RET: variants seen among roughly 807,000 people sequenced by gnomAD.
RET encodes proto-oncogene tyrosine-protein kinase receptor Ret.
A neutral mutation model predicts 118.3 loss-of-function variants in RET; 19 were observed. That is an observed-to-expected ratio of 0.16 (90% confidence interval 0.11 to 0.24). The LOEUF (loss-of-function observed/expected upper bound fraction) is 0.24, where lower values mean the gene tolerates loss of function less well. Among genes scored for constraint, RET ranks in the 10% least tolerant of loss-of-function variants. The pLI is 1.00. For synonymous variants in RET, 597 were observed against 644.1 expected, an observed-to-expected ratio of 0.93 and a Z score of 1.11; for missense variants, 1,219 against 1,502.1, an observed-to-expected ratio of 0.81 and a Z score of 3.12.
Position 43,113,578 on chromosome 10 carries a change from C to T in RET, c.1782C>T (p.His594=), listed in dbSNP as rs863224426. Residue 594 remains histidine (H), a synonymous_variant, in exon 10 of 20, where the codon CAC becomes CAT. Coordinates refer to ENST00000355710, the MANE Select transcript of RET (RefSeq NM_020975.6). The part of the protein sequence containing the change: ...DCLRGSIVGG[H]EPGEPRGIKA... ...CAGGGGGCAGCATTGTTGGGGGACACGAGCCTGGGGAGCCCCGGGGGATTA... is the reference window on the plus strand; with the variant it reads ...CAGGGGGCAGCATTGTTGGGGGACATGAGCCTGGGGAGCCCCGGGGGATTA... The T allele has an allele frequency of 3.1e-6, 5 of 1,609,774 alleles. No homozygotes were observed. Among genetic ancestry groups the T allele is most frequent in the African/African-American group, 1.3e-5 (1 of 74,974 alleles).
At chr10:43,080,377 T>C (rs2132520387) in intron 1 of RET, among the ~76,000 whole-genome samples, 1 of 152,338 alleles carries the variant, frequency 6.6e-6, no homozygotes, top group African/African-American at 2.4e-5. Flanking sequence ...CACAGTGCAC[T>C]GCCCCTGTGC....
At chr10:43,122,259 G>A (rs3026774) in intron 16 of RET, among the ~76,000 whole-genome samples, 3 of 152,258 alleles carry the variant, frequency 2.0e-5, no homozygotes, top group South Asian at 2.1e-4. Flanking sequence ...CATGAGAGCC[G>A]AGCAGGTGGC....
Position 43,100,475 on chromosome 10 carries a change from C to T in RET, c.90C>T (p.Tyr30=), listed in dbSNP as rs1588862357. 1.2e-6 allele frequency: 2 copies of T among 1,613,604 alleles called. No individual in the cohort carries two copies. Among genetic ancestry groups the T allele is most frequent in the Non-Finnish European group, 1.7e-6 (2 of 1,180,020 alleles). ...TTCCCACAGTGGCATTGGGCCTCTA[C>T]TTCTCGAGGGATGCTTACTGGGAGA... ...PLLGKVALGL[Y]FSRDAYWEKL... Residue 30 remains tyrosine, a synonymous_variant, in exon 2 of 20, where the codon TAC becomes TAT. Coordinates refer to ENST00000355710, the MANE Select transcript of RET (RefSeq NM_020975.6).
At position 43,121,932 on chromosome 10, in the gene RET, C is replaced by T. The variant is rs1305296450; in HGVS notation, c.2731-14C>T. The T allele has an allele frequency of 3.1e-6, 5 of 1,602,926 alleles. No individual in the cohort carries two copies. The highest frequency in any genetic ancestry group is 4.5e-5 in the East Asian group (2 of 44,852). On this transcript the variant is annotated splice_polypyrimidine_tract_variant and intron_variant, in intron 15 of 19. Coordinates refer to ENST00000355710, the MANE Select transcript of RET (RefSeq NM_020975.6). ...TAGAGTAACTTCAATGTCTTTATTC[C>T]ATCTTCTCTTTAGGGTCGGATTCCA...
intron 1 of RET, among the ~76,000 whole-genome samples, chr10:43,086,373 G>A (rs1221105481): frequency 1.3e-5 from 2 of 152,262 alleles, no homozygotes; most frequent in East Asian, 3.8e-4. Context: ...AAATGGGCAA[G>A]ACCATCTCAG....
At chr10:43,079,231 A>G (rs1246862150) in intron 1 of RET, among the ~76,000 whole-genome samples, 1 of 151,752 alleles carries the variant, frequency 6.6e-6, no homozygotes, top group Non-Finnish European at 1.5e-5. Context: ...CCCTTCTCAC[A>G]GCACTTGCTG....
At chr10:43,128,021 A>G in intron 19 of RET, 91 bp from the exon 20 acceptor site, 2 of 1,365,734 alleles carry the variant, frequency 1.5e-6, no homozygotes, top group Non-Finnish European at 2.1e-6. Context: ...GTTTGGTTTG[A>G]ACATCAAAGG....
rs2132945990 is a variant in RET, at chr10:43,119,622, C to T, written c.2484C>T (p.Gly828=). 6.2e-7 allele frequency: 1 copy of T among 1,612,872 alleles called. No individual in the cohort carries two copies. Among genetic ancestry groups the T allele is most frequent in the East Asian group, 2.2e-5 (1 of 44,888 alleles). ...GCAAAGTGGGGCCTGGCTACCTGGG[C>T]AGTGGAGGCAGCCGCAACTCCAGCT... The part of the protein sequence containing the change: ...ESRKVGPGYL[G]SGGSRNSSSL... The change falls in exon 14 of 20, where the codon GGC becomes GGT. Residue 828 remains glycine (G), a synonymous_variant. Transcript: ENST00000355710.
chr10:43,080,766 G>T (rs1837161994), intron 1 of RET, among the ~76,000 whole-genome samples: 1 of 152,250 alleles, frequency 6.6e-6, no homozygotes, highest in African/African-American at 2.4e-5. Context: ...AGTCCTATGG[G>T]TCTGGGGAGG....
At chr10:43,080,398 C>A (rs1215010696) in intron 1 of RET, among the ~76,000 whole-genome samples, 2 of 152,240 alleles carry the variant, frequency 1.3e-5, no homozygotes, top group South Asian at 2.1e-4. Flanking sequence ...TGTGCCTACT[C>A]ACTTCATCTT....
intron 1 of RET, among the ~76,000 whole-genome samples, chr10:43,087,766 G>A (rs1837320969): frequency 6.6e-6 from 1 of 152,196 alleles, no homozygotes; most frequent in African/African-American, 2.4e-5. Context: ...GTGGCCCTGT[G>A]GGTCTTCACA....
chr10:43,127,760 A>G (rs115173989), intron 19 of RET, among the ~76,000 whole-genome samples: 2,003 of 152,270 alleles, frequency 0.013, 35 homozygotes, highest in African/African-American at 0.045. Context: ...AATGTTTTAT[A>G]GAACGTTTCC....
intron 11 of RET, among the ~76,000 whole-genome samples, chr10:43,115,161 TC>T (rs749320374): frequency 6.6e-5 from 10 of 152,180 alleles, no homozygotes; most frequent in Non-Finnish European, 1.3e-4. Flanking sequence ...CCTTCAGTGT[TC>T]CTACTAGCAC....
At chr10:43,111,624 G>T (rs1456106282) in intron 7 of RET, among the ~76,000 whole-genome samples, 159 bp downstream of exon 7, 1 of 152,242 alleles carries the variant, frequency 6.6e-6, no homozygotes, top group Non-Finnish European at 1.5e-5. Flanking sequence ...GTAAATGGTT[G>T]CTCCTTCCAG....
chr10:43,116,448 T>A, intron 11 of RET, 136 bp from the exon 12 acceptor site: 1 of 1,115,878 alleles, frequency 9.0e-7, no homozygotes, highest in Non-Finnish European at 1.4e-6. Context: ...GCGTTGCCGC[T>A]GGCTCAGATG....
chr10:43,094,732 A>G (rs1466510127), intron 1 of RET, among the ~76,000 whole-genome samples: 2 of 152,168 alleles, frequency 1.3e-5, no homozygotes, highest in African/African-American at 4.8e-5. Context: ...GGTGCAGGAA[A>G]ATGTGTGTGC....
In RET at chr10:43,113,707, C is replaced by T. The variant is rs754980331; in HGVS notation, c.1879+32C>T. 2.7e-5 allele frequency: 44 copies of T among 1,611,458 alleles called. No homozygotes were observed. The East Asian group carries it at 9.4e-4, about 34-fold the overall frequency. ...GGGTGGCGGCCGGGACCACCACCAC[C>T]TCCCAGCCCCACAGAGGTCTCAACA... On this transcript the variant is annotated intron_variant, in intron 10 of 19. Transcript: ENST00000355710.
Position 43,084,819 on chromosome 10 carries a change from G to T in RET, c.73+7488G>T, listed in dbSNP as rs530243948. Among the ~76,000 whole-genome samples, 7 of 152,146 alleles carry T rather than the reference G, an allele frequency of 4.6e-5. No individual in the cohort carries two copies. The South Asian group carries it at 1.2e-3, about 27-fold the overall frequency. On this transcript the variant is annotated intron_variant, in intron 1 of 19. Coordinates refer to ENST00000355710, the MANE Select transcript of RET (RefSeq NM_020975.6). ...GTGTCACTGCTTGTGCATAAGAAGGGGCCTCTCAGGAACCGCCCTGTGAAG... is the reference window on the plus strand; with the variant it reads ...GTGTCACTGCTTGTGCATAAGAAGGTGCCTCTCAGGAACCGCCCTGTGAAG...
At chr10:43,091,822 CAAAAAAAAAAAA>C (rs60545334) in intron 1 of RET, among the ~76,000 whole-genome samples, 269 of 114,596 alleles carry the variant, frequency 2.3e-3, no homozygotes, top group Non-Finnish European at 4.0e-3. Flanking sequence ...TGTCTACTAT[CAAAAAAAAAAAA>C]AAAAAAAAAG....
Sources: allele counts gnomAD v4.1 joint callset (sites outside exome capture counted in the v4.1 genomes callset), GRCh38; gene constraint gnomAD v4.1.1; transcripts MANE v1.5; gene names NCBI Gene and HGNC (gene_info 2026-07-23, HGNC 2026-07-21).